SUFU: variants seen among roughly 807,000 people sequenced by gnomAD.
SUFU encodes the protein suppressor of fused homolog.
SUFU carries 7 observed loss-of-function variants against 58.9 expected under a neutral mutation model. The observed-to-expected ratio is 0.12, with a 90% CI of 0.07 to 0.22. The LOEUF (loss-of-function observed/expected upper bound fraction) is 0.22, where lower values mean the gene tolerates loss of function less well. Ranked by LOEUF, SUFU falls within the 10% of genes least tolerant of loss-of-function variation. SUFU has a pLI of 1.00. For missense variants in SUFU, 451 were observed against 641.3 expected (o/e 0.70, Z 3.20); for synonymous variants, 232 against 254.8 (o/e 0.91, Z 0.85).
chr10:102,565,405 T>C (rs1490094186), intron 3 of SUFU, among the ~76,000 whole-genome samples: 1 of 152,164 alleles, frequency 6.6e-6, no homozygotes, highest in East Asian at 1.9e-4. Flanking sequence ...TTACAGTACC[T>C]AGAGTTTGTT....
At chr10:102,608,230 CAA>C (rs76665733) in intron 8 of SUFU, among the ~76,000 whole-genome samples, 1 of 150,046 alleles carries the variant, frequency 6.7e-6, no homozygotes, top group Non-Finnish European at 1.5e-5. Flanking sequence ...TCTAAAAAAA[CAA>C]AAAAAAAATT....
At position 102,630,891 on chromosome 10, in the gene SUFU, G is replaced by A; in HGVS notation, c.*736G>A. The stretch of plus-strand genomic sequence containing the variant: ...ACAGAGAGGCTTTTCTTCCCAGCTG[G>A]GCCTGGTGGAGCCCGGGGCAGGGGG... On this transcript the variant is annotated 3_prime_UTR_variant, in exon 12 of 12. Transcript: ENST00000369902. 1 of 235,634 alleles carries A rather than the reference G, an allele frequency of 4.2e-6. No individual in the cohort carries two copies. Among genetic ancestry groups the A allele is most frequent in the Non-Finnish European group, 8.4e-6 (1 of 119,754 alleles). 14.6% of individuals were successfully genotyped at this position (235,634 alleles called of 1,614,324 possible). A position where few individuals can be genotyped will look rare whatever the true frequency, so the allele number is the denominator to read the frequency against.
At chr10:102,555,214 G>GCTGAGA (rs1172000392) in intron 3 of SUFU, among the ~76,000 whole-genome samples, 1 of 145,426 alleles carries the variant, frequency 6.9e-6, no homozygotes, top group East Asian at 2.0e-4. Context: ...CTTGCAGTGA[G>GCTGAGA]CTGAGACTGC....
intron 3 of SUFU, among the ~76,000 whole-genome samples, chr10:102,581,505 C>T (rs1237632640): frequency 6.6e-6 from 1 of 152,174 alleles, no homozygotes; most frequent in Non-Finnish European, 1.5e-5. Flanking sequence ...CTTCTGTTGA[C>T]TTGAGAAGGA....
At chr10:102,516,478 G>A (rs997686096) in intron 2 of SUFU, among the ~76,000 whole-genome samples, 2 of 152,112 alleles carry the variant, frequency 1.3e-5, no homozygotes, top group African/African-American at 2.4e-5. Flanking sequence ...ATGGGGTAAG[G>A]GTTACAAATT....
At chr10:102,543,353 T>C (rs2062823472) in intron 2 of SUFU, among the ~76,000 whole-genome samples, 1 of 152,178 alleles carries the variant, frequency 6.6e-6, no homozygotes. Context: ...TCTGTATATC[T>C]CGTTTGTGAA....
intron 2 of SUFU, 130 bp downstream of exon 2, chr10:102,509,433 A>T: frequency 7.6e-7 from 1 of 1,309,686 alleles, no homozygotes; most frequent in Non-Finnish European, 1.1e-6. Context: ...CCCTCTGACT[A>T]TATCTACTCA....
chr10:102,568,464 G>T (rs1296352162), intron 3 of SUFU, among the ~76,000 whole-genome samples: 1 of 152,042 alleles, frequency 6.6e-6, no homozygotes, highest in Non-Finnish European at 1.5e-5. Context: ...TTTTTATTTG[G>T]TTACTATCCT....
chr10:102,568,940 ATATATATATATATATATATATATC>A (rs1564685810), intron 3 of SUFU, among the ~76,000 whole-genome samples: 1 of 64,154 alleles, frequency 1.6e-5, no homozygotes, highest in Non-Finnish European at 3.0e-5. Flanking sequence ...ATATATATAT[ATATATATATATATATATATATATC>A]TATAGCAGTG....
intron 3 of SUFU, among the ~76,000 whole-genome samples, chr10:102,553,919 TTC>T (rs2062946952): frequency 6.6e-6 from 1 of 152,260 alleles, no homozygotes; most frequent in South Asian, 2.1e-4. Context: ...CATAAGGATA[TTC>T]TGTCTCTACA....
At position 102,629,818 on chromosome 10, in the gene SUFU, AAGG is replaced by A. The variant is rs1467409491; in HGVS notation, c.1366-242_1366-240del. 3.9e-5 allele frequency among the ~76,000 whole-genome samples: 6 copies of A among 152,174 alleles called. No homozygotes were observed. Among genetic ancestry groups the A allele is most frequent in the Non-Finnish European group, 7.4e-5 (5 of 68,022 alleles). ...AAGAGGGAGGTCAGCTTAGTGGAGA[AAGG>A]AGGAGAAAACGCCCTCCTCCAACCT... On this transcript the variant is annotated intron_variant, in intron 11 of 11. Coordinates refer to ENST00000369902, the MANE Select transcript of SUFU (RefSeq NM_016169.4). This position sits in a 1 kb window ranked among gnomAD's most constrained non-coding sequence, Gnocchi z 4.7.
rs2063435496 is a variant in SUFU, at chr10:102,594,060, C to CTGCAAG, written c.753_756+2dup. ...GACCATATTTGAGATCGATCCACAC[C>CTGCAAG]TGCAAGTATGTCTTGAGTGAGGAAA... On this transcript the variant is annotated inframe_insertion, in exon 6 of 12. Transcript: ENST00000369902. 6.2e-7 allele frequency: 1 copy of CTGCAAG among 1,614,104 alleles called. No individual in the cohort carries two copies. The highest frequency in any genetic ancestry group is 8.5e-7 in the Non-Finnish European group (1 of 1,179,972).
intron 8 of SUFU, among the ~76,000 whole-genome samples, chr10:102,613,320 G>A (rs566115649): frequency 3.1e-4 from 47 of 152,380 alleles, no homozygotes; most frequent in Non-Finnish European, 4.9e-4. Flanking sequence ...GGAAAGCAGA[G>A]GAAGGGACCG....
In SUFU at chr10:102,632,199, A is replaced by T. The variant is rs941378142; in HGVS notation, c.*2044A>T. The T allele has an allele frequency of 3.0e-5, 7 of 233,070 alleles. No individual in the cohort carries two copies. In the Admixed American group the frequency reaches 3.9e-4, roughly 13 times the overall value. 14.4% of individuals were successfully genotyped at this position (233,070 alleles called of 1,614,324 possible). Reference sequence around the variant, plus strand: ...GGCATTTTCTGAGCTAAGCTTTGTCATTAGTTTGTGAAGCACCTGGTCAGC... The same window carrying T: ...GGCATTTTCTGAGCTAAGCTTTGTCTTTAGTTTGTGAAGCACCTGGTCAGC... On this transcript the variant is annotated 3_prime_UTR_variant, in exon 12 of 12. Transcript: ENST00000369902.
At chr10:102,594,198 T>C in intron 6 of SUFU, 133 bp downstream of exon 6, 1 of 906,062 alleles carries the variant, frequency 1.1e-6, no homozygotes, top group Non-Finnish European at 1.8e-6. Context: ...ACTTGGAACT[T>C]GTCCCCTGAA....
chr10:102,618,939 T>TGTGTGC, intron 10 of SUFU: 2 of 523,684 alleles, frequency 3.8e-6, no homozygotes, highest in Non-Finnish European at 3.6e-6. Flanking sequence ...AGCGTGTGTG[T>TGTGTGC]GTGTGTGTGT....
intron 1 of SUFU, among the ~76,000 whole-genome samples, chr10:102,508,455 G>A (rs1313674115): frequency 1.3e-5 from 2 of 152,140 alleles, no homozygotes; most frequent in Non-Finnish European, 2.9e-5. Flanking sequence ...CCTTTGATGT[G>A]GCAGTCTCTC....
chr10:102,592,218 C>G lies in SUFU; in HGVS notation c.455-364C>G, dbSNP rs562826209. Reference sequence around the variant, plus strand: ...GTGGACTTCTGGCCAGGTGGCCCTACAGAAAAGCACCTTATTCTTTCTTGG... The same window carrying G: ...GTGGACTTCTGGCCAGGTGGCCCTAGAGAAAAGCACCTTATTCTTTCTTGG... On this transcript the variant is annotated intron_variant, in intron 3 of 11. Coordinates refer to ENST00000369902, the MANE Select transcript of SUFU (RefSeq NM_016169.4). Among the ~76,000 whole-genome samples the G allele has an allele frequency of 1.1e-4, 16 of 152,326 alleles. No individual in the cohort carries two copies. The South Asian group carries it at 3.3e-3, about 32-fold the overall frequency.
rs1564685579 is a variant in SUFU, at chr10:102,568,915, TATATA to T, written c.454+18810_454+18814del. On this transcript the variant is annotated intron_variant, in intron 3 of 11. Transcript: ENST00000369902. ...AAAAAAAAATATATATATATATATA[TATATA>T]CACATATATATATATATATATATAT... Among the ~76,000 whole-genome samples, 20 of 7,806 alleles carry T rather than the reference TATATA, an allele frequency of 2.6e-3. 1 individual carries two copies. Among genetic ancestry groups the T allele is most frequent in the Non-Finnish European group, 3.6e-3 (15 of 4,216 alleles). The allele number at this position is 7,806 out of a possible 152,430, so 5.1% of individuals were successfully genotyped here. A position where few individuals can be genotyped will look rare whatever the true frequency, so the allele number is the denominator to read the frequency against.
Sources: allele counts gnomAD v4.1 joint callset (sites outside exome capture counted in the v4.1 genomes callset), GRCh38; gene constraint gnomAD v4.1.1; non-coding constraint Gnocchi (gnomAD v3.1); transcripts MANE v1.5; gene names NCBI Gene and HGNC (gene_info 2026-07-23, HGNC 2026-07-21).